Variants in ASTN1 observed in about 807,000 individuals in gnomAD.
The protein encoded by ASTN1 is astrotactin 1, also known as astrotactin-1.
ASTN1 carries 41 observed loss-of-function variants against 140.7 expected under a neutral mutation model. The observed-to-expected ratio is 0.29, with a 90% confidence interval of 0.23 to 0.38. ASTN1 has a LOEUF of 0.38. Among genes scored for constraint, ASTN1 ranks in the 10% least tolerant of loss-of-function variants. The pLI, the probability that ASTN1 is intolerant of heterozygous loss-of-function variation, is 1.00. For synonymous variants in ASTN1, 640 were observed against 652.2 expected (o/e 0.98, Z 0.29); for missense variants, 1,479 against 1,678.8 (o/e 0.88, Z 2.08).
chr1:176,950,031 T>C (rs779106815), intron 11 of ASTN1, among the ~76,000 whole-genome samples: 2 of 152,234 alleles, frequency 1.3e-5, no homozygotes, highest in Non-Finnish European at 2.9e-5. Flanking sequence ...ATGCTTTTAA[T>C]GCAAAATATT....
rs1379779114 is a variant in ASTN1 at position 176,863,150 on chromosome 1, T to G, written c.*1134A>C. The G allele has an allele frequency of 1.0e-6, 1 of 985,926 alleles. No homozygotes were observed. Among genetic ancestry groups the G allele is most frequent in the East Asian group, 1.1e-4 (1 of 8,818 alleles). 61.1% of individuals were successfully genotyped at this position (985,926 alleles called of 1,614,324 possible). A position where few individuals can be genotyped will look rare whatever the true frequency, so the allele number is the denominator to read the frequency against. On this transcript the variant is annotated 3_prime_UTR_variant, in exon 23 of 23. Transcript: ENST00000361833. ...GGTGCTTCCCTACACAGAATCCCTG[T>G]GACTGGATGGGCAGTGACCATGGTG...
intron 11 of ASTN1, among the ~76,000 whole-genome samples, chr1:176,954,772 TCCG>T (rs1672330324): frequency 6.6e-6 from 1 of 152,166 alleles, no homozygotes; most frequent in South Asian, 2.1e-4. Flanking sequence ...ATTTCAGCAA[TCCG>T]TGGCTACTGG....
chr1:176,996,300 C>CAA (rs1674439974), intron 8 of ASTN1, among the ~76,000 whole-genome samples: 1 of 147,760 alleles, frequency 6.8e-6, no homozygotes, highest in Non-Finnish European at 1.5e-5. Context: ...CACACACACA[C>CAA]ACACACACAC....
chr1:177,021,486 A>G (rs1165420986), intron 7 of ASTN1, among the ~76,000 whole-genome samples: 2 of 152,220 alleles, frequency 1.3e-5, no homozygotes, highest in African/African-American at 4.8e-5. Flanking sequence ...GTTGGATCTG[A>G]CATGTCTGGG....
intron 16 of ASTN1, among the ~76,000 whole-genome samples, chr1:176,897,274 CAAAAAAA>C (rs56828059): frequency 1.8e-4 from 8 of 44,134 alleles, no homozygotes; most frequent in Admixed American, 5.2e-4. Flanking sequence ...GACTCCGTCT[CAAAAAAA>C]AAAAAAAAAA....
intron 1 of ASTN1, among the ~76,000 whole-genome samples, chr1:177,106,996 T>A (rs951598357): frequency 6.6e-6 from 1 of 152,182 alleles, no homozygotes; most frequent in African/African-American, 2.4e-5. Context: ...TGGCAGGCCA[T>A]GCAGCAGTGG....
chr1:177,010,536 T>C (rs1441038918), intron 8 of ASTN1, among the ~76,000 whole-genome samples: 3 of 152,234 alleles, frequency 2.0e-5, no homozygotes, highest in African/African-American at 7.2e-5. Flanking sequence ...TTTCTGAAGC[T>C]ATTTTTACTC....
At chr1:177,136,104 C>A (rs1297774742) in intron 1 of ASTN1, among the ~76,000 whole-genome samples, 2 of 152,126 alleles carry the variant, frequency 1.3e-5, no homozygotes, top group Non-Finnish European at 2.9e-5. Context: ...AAATGAAAAC[C>A]CATCCTACTG....
rs763906705 is a variant in ASTN1 at position 176,894,531 on chromosome 1, C to A, written c.2940+31G>T. On this transcript the variant is annotated intron_variant, in intron 17 of 22. Coordinates refer to ENST00000361833, the MANE Select transcript of ASTN1 (RefSeq NM_004319.3). ...GAAAGCCTTCTGTTGTGGTTGACGC[C>A]TCCCAGAGCCAAGAGTCCCAGGCCT... The A allele has an allele frequency of 2.5e-6, 4 of 1,606,726 alleles. No individual in the cohort carries two copies. In the East Asian group the frequency reaches 8.9e-5, roughly 36 times the overall value.
chr1:177,143,471 C>T (rs536297181), intron 1 of ASTN1, among the ~76,000 whole-genome samples: 1 of 152,244 alleles, frequency 6.6e-6, no homozygotes, highest in South Asian at 2.1e-4. Flanking sequence ...GTTGTAAAGA[C>T]CATCTTGGGA....
Position 176,915,974 on chromosome 1 carries a change from G to A in ASTN1, c.2671+18178C>T, listed in dbSNP as rs1472369076. On this transcript the variant is annotated intron_variant, in intron 16 of 22. Coordinates refer to ENST00000361833, the MANE Select transcript of ASTN1 (RefSeq NM_004319.3). The stretch of plus-strand genomic sequence containing the variant: ...AGGTATTAGAATGTTTTACAAACCC[G>A]AAACTTGCCCATTCTCAGTCTTTCA... Among the ~76,000 whole-genome samples, 6 of 152,136 alleles carry A rather than the reference G, an allele frequency of 3.9e-5. No homozygotes were observed. In the South Asian group the frequency reaches 8.3e-4, roughly 21 times the overall value.
chr1:177,151,366 A>C (rs905833731), intron 1 of ASTN1, among the ~76,000 whole-genome samples: 1 of 151,996 alleles, frequency 6.6e-6, no homozygotes, highest in African/African-American at 2.4e-5. Context: ...GGCACGTAAC[A>C]AAGTTCTTAC....
intron 1 of ASTN1, among the ~76,000 whole-genome samples, chr1:177,088,565 C>T (rs1679586286): frequency 6.6e-6 from 1 of 152,114 alleles, no homozygotes; most frequent in Admixed American, 6.5e-5. Flanking sequence ...TGTGAGTTAT[C>T]AACAACCAAG....
chr1:177,042,468 C>T (rs1302317901), intron 2 of ASTN1, among the ~76,000 whole-genome samples: 2 of 152,128 alleles, frequency 1.3e-5, no homozygotes, highest in Non-Finnish European at 2.9e-5. Context: ...ACAGTTAATC[C>T]CATTACATGT....
At chr1:176,866,084 C>A (rs939191041) in intron 22 of ASTN1, among the ~76,000 whole-genome samples, 2 of 152,132 alleles carry the variant, frequency 1.3e-5, no homozygotes, top group Non-Finnish European at 2.9e-5. Context: ...ATTTTATTCA[C>A]CTTATTCAGA....
intron 16 of ASTN1, among the ~76,000 whole-genome samples, chr1:176,906,007 G>A (rs1309804974): frequency 3.3e-5 from 5 of 152,250 alleles, no homozygotes; most frequent in African/African-American, 9.6e-5. Context: ...CCACTAGGCC[G>A]AGGGATGGAT....
At chr1:177,087,611 C>T (rs1184882179) in intron 1 of ASTN1, among the ~76,000 whole-genome samples, 1 of 152,166 alleles carries the variant, frequency 6.6e-6, no homozygotes, top group Non-Finnish European at 1.5e-5. Flanking sequence ...ACTAGTAAAT[C>T]CTTTCCCCTG....
rs543126039 is a variant in ASTN1 at position 177,060,119 on chromosome 1, A to C, written c.471+959T>G. ...TCTAGGCACTGGGGACACATCAGTAAAAAAAACAACACTAAACAAAAACCC... is the reference window on the plus strand; with the variant it reads ...TCTAGGCACTGGGGACACATCAGTACAAAAAACAACACTAAACAAAAACCC... On this transcript the variant is annotated intron_variant, in intron 2 of 22. Coordinates refer to ENST00000361833, the MANE Select transcript of ASTN1 (RefSeq NM_004319.3). 9.2e-5 allele frequency among the ~76,000 whole-genome samples: 14 copies of C among 152,306 alleles called. No homozygotes were observed. In the South Asian group the frequency reaches 2.9e-3, roughly 32 times the overall value.
At chr1:177,026,439 C>T (rs1372610600) in intron 5 of ASTN1, among the ~76,000 whole-genome samples, 4 of 152,108 alleles carry the variant, frequency 2.6e-5, no homozygotes, top group Admixed American at 6.5e-5. Flanking sequence ...TCCATTATAT[C>T]CAACTCTTTT....
Sources: gnomAD v4.1 joint callset for allele counts (sites outside exome capture counted in the v4.1 genomes callset) on GRCh38, gnomAD v4.1.1 for gene constraint, MANE v1.5 for transcripts, NCBI Gene and HGNC (gene_info 2026-07-23, HGNC 2026-07-21) for gene names.